Variants in JMJD6 observed in about 807,000 individuals in gnomAD.
JMJD6 encodes bifunctional arginine demethylase and lysyl-hydroxylase JMJD6.
Under a neutral mutation model 45.8 loss-of-function variants are expected in JMJD6, and 17 were observed. That is an observed-to-expected ratio of 0.37 (90% CI 0.25 to 0.56). JMJD6 has a LOEUF of 0.56. Ranked by LOEUF, JMJD6 falls within the 20% of genes least tolerant of loss-of-function variation. The probability of loss-of-function intolerance (pLI) is 0.79; values close to 1 mark genes in which losing one functional copy is unlikely to be tolerated. For missense variants in JMJD6, 470 were observed against 517.5 expected, an observed-to-expected ratio of 0.91 and a Z score of 0.89; for synonymous variants, 221 against 196.3, an observed-to-expected ratio of 1.13 and a Z score of -1.05.
chr17:76,723,388 C>T (rs1348630829), intron 3 of JMJD6, among the ~76,000 whole-genome samples: 1 of 152,090 alleles, frequency 6.6e-6, no homozygotes, highest in African/African-American at 2.4e-5. Flanking sequence ...TTTGGACTCA[C>T]TCTCTAACAG....
chr17:76,723,454 T>C (rs2076854627), intron 3 of JMJD6, among the ~76,000 whole-genome samples: 1 of 151,824 alleles, frequency 6.6e-6, no homozygotes, highest in Non-Finnish European at 1.5e-5. Flanking sequence ...CTTTTTTTTT[T>C]TTTTGAGATG....
At chr17:76,720,746 A>C in intron 4 of JMJD6, 3 of 359,906 alleles carry the variant, frequency 8.3e-6, no homozygotes, top group Non-Finnish European at 1.5e-5. Flanking sequence ...ACCTGCATAA[A>C]TGAGCCAGCC....
downstream of JMJD6, chr17:76,716,828 G>A: frequency 1.8e-6 from 2 of 1,094,890 alleles, no homozygotes; most frequent in Admixed American, 1.8e-5. Flanking sequence ...CCACGTGGAA[G>A]TCATGGCAGG....
chr17:76,715,488 T>C (rs986884276), downstream of JMJD6: 2 of 152,238 alleles, frequency 1.3e-5, no homozygotes, highest in Admixed American at 1.3e-4. Context: ...TGACAGTCTG[T>C]TAATAACAGT....
rs774599928 is a variant in JMJD6, at chr17:76,720,354, C to T, written c.1080+6G>A. 10 of 1,613,928 alleles carry T rather than the reference C, an allele frequency of 6.2e-6. No individual in the cohort carries two copies. Among genetic ancestry groups the T allele is most frequent in the Non-Finnish European group, 7.6e-6 (9 of 1,179,920 alleles). ...TCCAGGAGTCAGCCAGAGAGCAAGG[C>T]CTCACCTCTGAGTCGGAGTCTGACG... On this transcript the variant is annotated splice_donor_region_variant and intron_variant, in intron 5 of 5. Coordinates refer to ENST00000397625, the MANE Select transcript of JMJD6 (RefSeq NM_015167.3).
chr17:76,719,228 T>C (rs2076794663), intron 5 of JMJD6, among the ~76,000 whole-genome samples: 1 of 152,182 alleles, frequency 6.6e-6, no homozygotes, highest in Non-Finnish European at 1.5e-5. Context: ...GCACTGAACA[T>C]TCCCAGAGCC....
downstream of JMJD6, chr17:76,714,310 C>T (rs553360130): frequency 6.6e-6 from 1 of 152,298 alleles, no homozygotes; most frequent in East Asian, 1.9e-4. Context: ...CTTCCAGGAC[C>T]CAGCTCTTTG....
downstream of JMJD6, among the ~76,000 whole-genome samples, chr17:76,716,902 A>C (rs1189996989): frequency 6.6e-6 from 1 of 152,238 alleles, no homozygotes; most frequent in Non-Finnish European, 1.5e-5. Context: ...TAAATCTATA[A>C]ATATGTAATA....
chr17:76,722,845 CAA>C (rs71158058), intron 3 of JMJD6, among the ~76,000 whole-genome samples: 2 of 43,268 alleles, frequency 4.6e-5, no homozygotes, highest in African/African-American at 2.6e-4. Flanking sequence ...GACTTGGTCT[CAA>C]AAAAAAAAAA....
At chr17:76,724,397 A>G (rs2076871400) in intron 2 of JMJD6, among the ~76,000 whole-genome samples, 1 of 152,110 alleles carries the variant, frequency 6.6e-6, no homozygotes, top group Non-Finnish European at 1.5e-5. Context: ...CTGGAATAAC[A>G]GGCTTGAGCC....
chr17:76,713,445 G>C (rs2076742994), exon 7 of JMJD6: 1 of 152,188 alleles, frequency 6.6e-6, no homozygotes, highest in African/African-American at 2.4e-5. Flanking sequence ...GCCTGGGGGT[G>C]CAAGCTCACC....
chr17:76,725,424 A>AAG (rs2076903610), intron 2 of JMJD6, 43 bp downstream of exon 2: 11 of 1,508,418 alleles, frequency 7.3e-6, no homozygotes, highest in South Asian at 4.0e-5. Flanking sequence ...AAAAAAAAAA[A>AAG]AAAAGAAAAG....
At chr17:76,717,695 A>T (rs1165482925), downstream of JMJD6, among the ~76,000 whole-genome samples, 2 of 151,882 alleles carry the variant, frequency 1.3e-5, no homozygotes, top group Admixed American at 6.6e-5. Context: ...TAAAAATAAT[A>T]AAAAAAATTA....
At position 76,725,455 on chromosome 17, in the gene JMJD6, A is replaced by C. The variant is rs2076905495; in HGVS notation, c.518+12T>G. Reference sequence around the variant, plus strand: ...AAAAGGATTTTAACCACTTAGCTGCAGAATACTTTACCTGTAAGGGGGCCT... The same window carrying C: ...AAAAGGATTTTAACCACTTAGCTGCCGAATACTTTACCTGTAAGGGGGCCT... On this transcript the variant is annotated intron_variant, in intron 2 of 5. Coordinates refer to ENST00000397625, the MANE Select transcript of JMJD6 (RefSeq NM_015167.3). 1 of 1,566,832 alleles carries C rather than the reference A, an allele frequency of 6.4e-7. No homozygotes were observed. The highest frequency in any genetic ancestry group is 1.4e-5 in the African/African-American group (1 of 72,040).
At chr17:76,721,979 C>A in intron 3 of JMJD6, 46 bp from the exon 4 acceptor site, 2 of 1,604,338 alleles carry the variant, frequency 1.2e-6, no homozygotes, top group East Asian at 2.3e-5. Context: ...GATCCTATAC[C>A]TAATTACTGT....
At chr17:76,722,050 A>G (rs2076832127) in intron 3 of JMJD6, 117 bp from the exon 4 acceptor site, 4 of 1,093,790 alleles carry the variant, frequency 3.7e-6, no homozygotes, top group Admixed American at 2.6e-5. Context: ...CAGAGACATG[A>G]TACAGGGTAG....
intron 1 of JMJD6, 29 bp from the exon 2 acceptor site, chr17:76,725,884 T>A (rs1418086054): frequency 1.3e-6 from 2 of 1,530,992 alleles, no homozygotes; most frequent in Middle Eastern, 1.8e-4. Flanking sequence ...ACCTGTCCAG[T>A]TAAAAAAAAA....
downstream of JMJD6, among the ~76,000 whole-genome samples, chr17:76,718,152 C>T (rs1438857481): frequency 8.9e-6 from 1 of 112,796 alleles, no homozygotes. Flanking sequence ...AAGAGCGAGA[C>T]CCTGTCTCAA....
downstream of JMJD6, chr17:76,715,124 C>T (rs1192769641): frequency 6.6e-6 from 1 of 152,136 alleles, no homozygotes; most frequent in Non-Finnish European, 1.5e-5. Context: ...AAAGGGCAAG[C>T]GTGGCAGCAC....
Sources: gnomAD v4.1 joint callset for allele counts (sites outside exome capture counted in the v4.1 genomes callset) on GRCh38, gnomAD v4.1.1 for gene constraint, MANE v1.5 for transcripts, NCBI Gene and HGNC (gene_info 2026-07-23, HGNC 2026-07-21) for gene names.